Variants in LAMP3 observed in about 807,000 individuals in gnomAD.
LAMP3 encodes the protein lysosome associated membrane protein 3.
LAMP3 carries 26 observed loss-of-function variants against 34.8 expected under a neutral mutation model. That is an observed-to-expected ratio of 0.75 (90% CI 0.55 to 1.04). The LOEUF (loss-of-function observed/expected upper bound fraction) is 1.04, where lower values mean the gene tolerates loss of function less well. Ranked by LOEUF, LAMP3 falls within the 50% of genes least tolerant of loss-of-function variation. The pLI, the probability that LAMP3 is intolerant of heterozygous loss-of-function variation, is 0.00. For synonymous variants in LAMP3, 180 were observed against 201.9 expected, an observed-to-expected ratio of 0.89 and a Z score of 0.92; for missense variants, 495 against 524.0, an observed-to-expected ratio of 0.94 and a Z score of 0.54.
At chr3:183,130,154 CTTTTTTTTTTT>C (rs34543624) in intron 5 of LAMP3, among the ~76,000 whole-genome samples, 1 of 70,962 alleles carries the variant, frequency 1.4e-5, no homozygotes, top group African/African-American at 4.4e-5. Context: ...ACCCTCACTC[CTTTTTTTTTTT>C]TTTTTTTTTT....
At chr3:183,143,688 T>G (rs1234539840) in intron 3 of LAMP3, among the ~76,000 whole-genome samples, 1 of 152,116 alleles carries the variant, frequency 6.6e-6, no homozygotes, top group African/African-American at 2.4e-5. Flanking sequence ...ACATCCCTAT[T>G]AAGTGTCTCT....
In LAMP3 at chr3:183,124,231, A is replaced by G. The variant is rs746314590; in HGVS notation, c.1118-17T>C. ...ACTCATCCACTAAGAGAGAAAACAA[A>G]TACAATACAGTGGGTAAGGTTTGGT... On this transcript the variant is annotated splice_polypyrimidine_tract_variant and intron_variant, in intron 5 of 5. Transcript: ENST00000265598. The G allele has an allele frequency of 6.5e-7, 1 of 1,546,758 alleles. No individual in the cohort carries two copies. Among genetic ancestry groups the G allele is most frequent in the Non-Finnish European group, 8.7e-7 (1 of 1,151,408 alleles).
At chr3:183,130,405 G>T (rs528197697) in intron 5 of LAMP3, among the ~76,000 whole-genome samples, 3 of 151,912 alleles carry the variant, frequency 2.0e-5, no homozygotes, top group African/African-American at 7.3e-5. Context: ...TGATCCGCCC[G>T]CCTCGGCCTC....
At position 183,162,633 on chromosome 3, in the gene LAMP3, G is replaced by A. The variant is rs747443167; in HGVS notation, c.23C>T (p.Ala8Val). The change falls in exon 1 of 6, where the codon GCG becomes GTG. Residue 8 changes from alanine to valine, a missense_variant. Transcript: ENST00000265598. MPRQLSAAAALFASLAVI... is the reference protein window; with the variant it reads MPRQLSAVAALFASLAVI... ...GGCCAGGGACGCGAAGAGCGCGGCC[G>A]CCGCGCTGAGCTGCCGGGGCATGGT... The A allele has an allele frequency of 1.4e-5, 21 of 1,543,352 alleles. 1 individual carries two copies. The Admixed American group carries it at 3.9e-4, about 29-fold the overall frequency.
chr3:183,132,675 C>T, intron 5 of LAMP3: 1 of 985,326 alleles, frequency 1.0e-6, no homozygotes, highest in Non-Finnish European at 1.2e-6. Flanking sequence ...CTGCGGTAGC[C>T]CTTTGGTGGA....
At chr3:183,151,748 G>A (rs1720641736) in intron 3 of LAMP3, among the ~76,000 whole-genome samples, 1 of 152,090 alleles carries the variant, frequency 6.6e-6, no homozygotes, top group Admixed American at 6.6e-5. Context: ...CTTTACAGAG[G>A]CAATCTCTAA....
chr3:183,126,429 A>G (rs1043148425), intron 5 of LAMP3, among the ~76,000 whole-genome samples: 4 of 152,320 alleles, frequency 2.6e-5, no homozygotes, highest in African/African-American at 9.6e-5. Context: ...CATTTCTAAA[A>G]TGCAAAAGAG....
At chr3:183,128,629 A>G (rs1334531988) in intron 5 of LAMP3, among the ~76,000 whole-genome samples, 5 of 152,164 alleles carry the variant, frequency 3.3e-5, no homozygotes, top group Non-Finnish European at 7.3e-5. Context: ...TATGTTTTAT[A>G]TATAAATGGA....
chr3:183,153,352 T>A (rs1560314707), intron 2 of LAMP3, among the ~76,000 whole-genome samples: 1 of 152,110 alleles, frequency 6.6e-6, no homozygotes, highest in Non-Finnish European at 1.5e-5. Flanking sequence ...GGAAAGGATA[T>A]GAGGCTTTTA....
At chr3:183,160,648 G>A (rs1330852684) in intron 1 of LAMP3, among the ~76,000 whole-genome samples, 2 of 152,168 alleles carry the variant, frequency 1.3e-5, no homozygotes, top group African/African-American at 4.8e-5. Flanking sequence ...GATAAGAATA[G>A]CACCTACTTT....
At chr3:183,151,693 G>C (rs778462132) in intron 3 of LAMP3, among the ~76,000 whole-genome samples, 4 of 151,894 alleles carry the variant, frequency 2.6e-5, no homozygotes, top group Non-Finnish European at 4.4e-5. Flanking sequence ...CTCCCAAAGT[G>C]CTGGGATTAC....
chr3:183,127,045 A>G (rs1233984031), intron 5 of LAMP3, among the ~76,000 whole-genome samples: 1 of 152,218 alleles, frequency 6.6e-6, no homozygotes, highest in Non-Finnish European at 1.5e-5. Context: ...TGTGTTTACT[A>G]AACTTCGTTT....
intron 3 of LAMP3, among the ~76,000 whole-genome samples, chr3:183,147,114 G>A (rs766731195): frequency 1.3e-5 from 2 of 152,008 alleles, no homozygotes; most frequent in Non-Finnish European, 2.9e-5. Flanking sequence ...GTGGTGGCAT[G>A]CACCTGTAGT....
At chr3:183,159,908 C>T (rs142977396) in intron 1 of LAMP3, among the ~76,000 whole-genome samples, 51 of 152,262 alleles carry the variant, frequency 3.3e-4, no homozygotes, top group Non-Finnish European at 5.7e-4. Context: ...TCTGTTTTTC[C>T]TCCTTTGACC....
chr3:183,162,395 C>T (rs1439485445), intron 1 of LAMP3, among the ~76,000 whole-genome samples: 1 of 152,134 alleles, frequency 6.6e-6, no homozygotes. Context: ...TGTCCAGAAC[C>T]CTTTTGGAAG....
chr3:183,132,867 C>A (rs551145630), intron 5 of LAMP3: 30 of 985,304 alleles, frequency 3.0e-5, no homozygotes, highest in Non-Finnish European at 7.2e-6. Flanking sequence ...ACCAGACATG[C>A]GGTTAGCAAA....
chr3:183,146,793 G>T (rs1406870558), intron 3 of LAMP3, among the ~76,000 whole-genome samples: 1 of 151,806 alleles, frequency 6.6e-6, no homozygotes, highest in East Asian at 1.9e-4. Context: ...CTCCCAAAGT[G>T]CTGGGATTAC....
chr3:183,156,079 G>A (rs560196972), intron 1 of LAMP3, among the ~76,000 whole-genome samples: 2 of 152,324 alleles, frequency 1.3e-5, no homozygotes, highest in African/African-American at 4.8e-5. Flanking sequence ...CAGATGTTGG[G>A]CCGGGCGCGG....
rs200846845 is a variant in LAMP3, at chr3:183,140,626, T to A, written c.889-31A>T. 136 of 1,322,046 alleles carry A rather than the reference T, an allele frequency of 1.0e-4. 1 individual carries two copies. Among genetic ancestry groups the A allele is most frequent in the Admixed American group, 4.3e-4 (25 of 58,572 alleles). The allele number at this position is 1,322,046 out of a possible 1,614,324, so 81.9% of individuals were successfully genotyped here. On this transcript the variant is annotated intron_variant, in intron 3 of 5. Coordinates refer to ENST00000265598, the MANE Select transcript of LAMP3 (RefSeq NM_014398.4). ...AAACAGTAGGGTGTTAACCTTTGGG[T>A]TATCTCTACTCATATGTTTACAATC...
Sources: gnomAD v4.1 joint callset for allele counts (sites outside exome capture counted in the v4.1 genomes callset) on GRCh38, gnomAD v4.1.1 for gene constraint, MANE v1.5 for transcripts, NCBI Gene and HGNC (gene_info 2026-07-23, HGNC 2026-07-21) for gene names.